FTCDNL1: variants seen among roughly 807,000 people sequenced by gnomAD.
FTCDNL1 encodes the protein formiminotransferase N-terminal subdomain-containing protein.
A neutral mutation model predicts 5.9 loss-of-function variants in FTCDNL1; 11 were observed. The observed-to-expected ratio is 1.87, with a 90% CI of 1.18 to 3.10. The LOEUF is 3.10. FTCDNL1 is among the 30% of genes most tolerant of loss of function. The pLI is 0.00. For synonymous variants in FTCDNL1, 58 were observed against 24.8 expected (o/e 2.34, Z -3.99); for missense variants, 115 against 65.5 (o/e 1.76, Z -2.61).
At chr2:199,709,899 C>T in the FTCDNL1 span, among the ~76,000 whole-genome samples, 1 of 152,048 alleles carries the variant, frequency 6.6e-6, no homozygotes, top group South Asian at 2.1e-4. Context: ...TCTTTTGTAG[C>T]CATAATTTGT....
rs1045038692 is a variant in FTCDNL1 at position 199,851,138 on chromosome 2, G to A, written c.-406C>T. 1 of 137,634 alleles carries A rather than the reference G, an allele frequency of 7.3e-6. No homozygotes were observed. The highest frequency in any genetic ancestry group is 1.5e-5 in the Non-Finnish European group (1 of 65,312). The allele number at this position is 137,634 out of a possible 1,614,324, so 8.5% of individuals were successfully genotyped here. On this transcript the variant is annotated 5_prime_UTR_variant, in exon 1 of 5. Coordinates refer to ENST00000420128, the MANE Select transcript of FTCDNL1 (RefSeq NM_001363886.2). ...CCCAAGTCGCCGCCGCGCGTGGCCC[G>A]CGCGCAGCCTCCGCCGCCGCGCGTG...
chr2:199,773,998 T>A (rs369109633), intron 3 of FTCDNL1, among the ~76,000 whole-genome samples: 1 of 152,228 alleles, frequency 6.6e-6, no homozygotes, highest in African/African-American at 2.4e-5. Flanking sequence ...CTTTAGTCAA[T>A]AGAGTGTCCT....
At position 199,830,133 on chromosome 2, in the gene FTCDNL1, A is replaced by G. The variant is rs116359399; in HGVS notation, c.212-10376T>C. ...CTCTAGTTTTAGTATAGCTGTTAAT[A>G]TAGCCAAGTTTTTTTTATTTAGTTG... On this transcript the variant is annotated intron_variant, in intron 3 of 4. Transcript: ENST00000420128. Among the ~76,000 whole-genome samples, 312 of 152,176 alleles carry G rather than the reference A, an allele frequency of 2.1e-3. 1 individual carries two copies. The highest frequency in any genetic ancestry group is 7.3e-3 in the African/African-American group (303 of 41,570).
At chr2:199,713,819 A>G in the FTCDNL1 span, among the ~76,000 whole-genome samples, 1 of 152,168 alleles carries the variant, frequency 6.6e-6, no homozygotes, top group Admixed American at 6.5e-5. Flanking sequence ...CCATTATTGG[A>G]CTAATTTTAT....
At chr2:199,690,535 C>A in the FTCDNL1 span, among the ~76,000 whole-genome samples, 3 of 152,132 alleles carry the variant, frequency 2.0e-5, no homozygotes, top group Non-Finnish European at 4.4e-5. Context: ...CTCTATCTGG[C>A]CTTTCAAAGA....
At chr2:199,748,003 G>A in the FTCDNL1 span, among the ~76,000 whole-genome samples, 1 of 151,934 alleles carries the variant, frequency 6.6e-6, no homozygotes, top group African/African-American at 2.4e-5. Flanking sequence ...CTTTTACAAT[G>A]TCCTTATTTT....
intron 3 of FTCDNL1, among the ~76,000 whole-genome samples, chr2:199,836,994 A>G (rs542468394): frequency 4.6e-5 from 7 of 152,330 alleles, no homozygotes; most frequent in Admixed American, 2.0e-4. Context: ...GCAGAGCCAC[A>G]GTAAGAGAAA....
chr2:199,732,976 G>A, the FTCDNL1 span, among the ~76,000 whole-genome samples: 1 of 152,206 alleles, frequency 6.6e-6, no homozygotes, highest in Non-Finnish European at 1.5e-5. Flanking sequence ...GGGGTGGGGT[G>A]GAGAAGAAGA....
chr2:199,847,031 G>A (rs2076750380), intron 2 of FTCDNL1, among the ~76,000 whole-genome samples: 1 of 152,194 alleles, frequency 6.6e-6, no homozygotes, highest in African/African-American at 2.4e-5. Context: ...AGGAACTACA[G>A]AGCTTAGAAC....
chr2:199,758,814 C>T (rs1698160931), downstream of FTCDNL1, among the ~76,000 whole-genome samples: 1 of 152,144 alleles, frequency 6.6e-6, no homozygotes, highest in East Asian at 1.9e-4. Flanking sequence ...TTAACAAGCC[C>T]CTCAGGGGAT....
At chr2:199,740,707 T>C in the FTCDNL1 span, among the ~76,000 whole-genome samples, 392 of 152,274 alleles carry the variant, frequency 2.6e-3, 4 homozygotes, top group Admixed American at 0.022. Flanking sequence ...GAATCTCCTG[T>C]AGCCTCTTTG....
chr2:199,805,616 G>A (rs1457201319), downstream of FTCDNL1, among the ~76,000 whole-genome samples: 1 of 152,080 alleles, frequency 6.6e-6, no homozygotes, highest in Non-Finnish European at 1.5e-5. Context: ...GCGTGCGCCT[G>A]TAATCCCAGC....
intron 4 of FTCDNL1, 154 bp downstream of exon 4, chr2:199,819,418 G>A: frequency 1.7e-6 from 1 of 605,426 alleles, no homozygotes. Flanking sequence ...AAAAGGGCCT[G>A]GGTGAGAGTA....
the FTCDNL1 span, among the ~76,000 whole-genome samples, chr2:199,749,860 T>C: frequency 6.6e-6 from 1 of 152,060 alleles, no homozygotes; most frequent in African/African-American, 2.4e-5. Context: ...GCACATGATA[T>C]TTTCCAGTGT....
At chr2:199,772,714 T>C (rs1009313194) in intron 3 of FTCDNL1, among the ~76,000 whole-genome samples, 8 of 152,328 alleles carry the variant, frequency 5.3e-5, no homozygotes, top group Admixed American at 3.3e-4. Flanking sequence ...TCAGATGATT[T>C]GGGTCCCTTC....
At chr2:199,729,111 C>T in the FTCDNL1 span, among the ~76,000 whole-genome samples, 4 of 152,070 alleles carry the variant, frequency 2.6e-5, no homozygotes, top group African/African-American at 4.8e-5. Flanking sequence ...GATGAGATGA[C>T]GGAATACATG....
the FTCDNL1 span, among the ~76,000 whole-genome samples, chr2:199,742,931 A>G: frequency 6.6e-6 from 1 of 152,218 alleles, no homozygotes. Flanking sequence ...GCAAAAACCC[A>G]CCTGTTAGGT....
the FTCDNL1 span, among the ~76,000 whole-genome samples, chr2:199,733,571 G>A: frequency 1.3e-5 from 2 of 152,148 alleles, no homozygotes; most frequent in Admixed American, 6.5e-5. Flanking sequence ...ACTGTATCTA[G>A]GAAAGCAGGA....
chr2:199,715,771 G>T, the FTCDNL1 span, among the ~76,000 whole-genome samples: 115,340 of 151,596 alleles, frequency 0.76, 45,743 homozygotes, highest in South Asian at 0.92. Flanking sequence ...AACATAGCTT[G>T]TAAGAGGGAG....
Sources: allele counts gnomAD v4.1 joint callset (sites outside exome capture counted in the v4.1 genomes callset), GRCh38; gene constraint gnomAD v4.1.1; transcripts MANE v1.5; gene names NCBI Gene and HGNC (gene_info 2026-07-23, HGNC 2026-07-21).